The following NTM variants were observed in gnomAD, a reference collection of about 807,000 sequenced individuals.
NTM encodes the protein IgLON family member 2.
Under a neutral mutation model 42.1 loss-of-function variants are expected in NTM, and 13 were observed. The ratio of observed to expected loss-of-function variants is 0.31; its 90% confidence interval spans 0.20 to 0.49. NTM has a LOEUF of 0.49. Ranked by LOEUF, NTM falls within the 20% of genes least tolerant of loss-of-function variation. The pLI is 0.99. For missense variants in NTM, 373 were observed against 452.8 expected (o/e 0.82, Z 1.60); for synonymous variants, 187 against 179.2 (o/e 1.04, Z -0.35).
At chr11:131,401,814 A>ATATATATATATATATATATGTGTG (rs1565465229) in intron 1 of NTM, among the ~76,000 whole-genome samples, 1 of 27,200 alleles carries the variant, frequency 3.7e-5, no homozygotes, top group African/African-American at 2.1e-4. Flanking sequence ...ATATATATAT[A>ATATATATATATATATATATGTGTG]TATATATATA....
chr11:132,081,452 G>A (rs1277399285), intron 2 of NTM, among the ~76,000 whole-genome samples: 2 of 152,180 alleles, frequency 1.3e-5, no homozygotes, highest in Non-Finnish European at 2.9e-5. Context: ...AGAGTGGTTG[G>A]CCAGGCACGG....
intron 1 of NTM, among the ~76,000 whole-genome samples, chr11:131,560,223 T>C (rs1454334974): frequency 6.6e-6 from 1 of 152,226 alleles, no homozygotes; most frequent in Non-Finnish European, 1.5e-5. Context: ...TGCTTGGCTT[T>C]ATCTTTCACG....
chr11:132,232,699 A>G (rs2139061850), intron 4 of NTM, among the ~76,000 whole-genome samples: 1 of 152,316 alleles, frequency 6.6e-6, no homozygotes, highest in Non-Finnish European at 1.5e-5. Context: ...GTAAACATGA[A>G]CACATTACGC....
intron 2 of NTM, among the ~76,000 whole-genome samples, chr11:132,022,997 A>C (rs1362806748): frequency 1.3e-5 from 2 of 151,796 alleles, no homozygotes; most frequent in African/African-American, 4.9e-5. Flanking sequence ...ATTGGAATCA[A>C]GTTTGAGTTC....
intron 1 of NTM, among the ~76,000 whole-genome samples, chr11:131,685,173 C>T (rs1281044216): frequency 6.6e-6 from 1 of 152,256 alleles, no homozygotes; most frequent in East Asian, 1.9e-4. Flanking sequence ...GAGATCCTTG[C>T]AGAAGCCCAG....
chr11:131,459,051 C>G (rs1951147581), intron 1 of NTM, among the ~76,000 whole-genome samples: 1 of 152,224 alleles, frequency 6.6e-6, no homozygotes, highest in East Asian at 1.9e-4. Context: ...AGGCATCTGG[C>G]CAGATTGCAC....
intron 1 of NTM, among the ~76,000 whole-genome samples, chr11:131,494,855 G>A (rs1342241029): frequency 3.9e-5 from 6 of 152,342 alleles, no homozygotes; most frequent in South Asian, 2.1e-4. Flanking sequence ...GCTGTCACCA[G>A]AAGGTGGGTG....
intron 2 of NTM, among the ~76,000 whole-genome samples, chr11:132,014,246 C>T (rs1219836111): frequency 2.0e-5 from 3 of 151,992 alleles, no homozygotes; most frequent in Non-Finnish European, 4.4e-5. Flanking sequence ...AATATTCTAT[C>T]TATTCTATTT....
rs1278852469 is a variant in NTM at position 131,891,224 on chromosome 11, C to T, written c.83-20340C>T. Among the ~76,000 whole-genome samples the T allele has an allele frequency of 2.6e-5, 4 of 152,168 alleles. No individual in the cohort carries two copies. The South Asian group carries it at 8.3e-4, about 32-fold the overall frequency. Reference sequence around the variant, plus strand: ...AGTGTGTTCAATGTGCTATAGGAGACACAAAACATTACAGGCATTCAGAAG... The same window carrying T: ...AGTGTGTTCAATGTGCTATAGGAGATACAAAACATTACAGGCATTCAGAAG... On this transcript the variant is annotated intron_variant, in intron 1 of 8. Coordinates refer to ENST00000683400, the MANE Select transcript of NTM (RefSeq NM_001352005.2).
chr11:132,166,709 A>C (rs1014658990), intron 3 of NTM, among the ~76,000 whole-genome samples: 2 of 152,180 alleles, frequency 1.3e-5, no homozygotes. Context: ...GCTTTTGCTA[A>C]ATTAGCACAT....
intron 1 of NTM, among the ~76,000 whole-genome samples, chr11:131,704,755 A>G (rs1429386082): frequency 6.6e-6 from 1 of 152,214 alleles, no homozygotes; most frequent in Non-Finnish European, 1.5e-5. Context: ...CGCATGAACA[A>G]AATAATAAGT....
chr11:131,873,556 A>G (rs1252558464), intron 1 of NTM, among the ~76,000 whole-genome samples: 3 of 45,116 alleles, frequency 6.6e-5, no homozygotes, highest in Non-Finnish European at 1.2e-4. Flanking sequence ...ATACATATAT[A>G]TATACCGTAT....
rs115414841 is a variant in NTM at position 132,175,088 on chromosome 11, T to C, written c.400+28574T>C. On this transcript the variant is annotated intron_variant, in intron 3 of 8. Coordinates refer to ENST00000683400, the MANE Select transcript of NTM (RefSeq NM_001352005.2). ...ATGTGGGAGGCTGCTGCTTTGCAAATAAAGTGGGTAATAAAAGTGCCCAGC... is the reference window on the plus strand; with the variant it reads ...ATGTGGGAGGCTGCTGCTTTGCAAACAAAGTGGGTAATAAAAGTGCCCAGC... Among the ~76,000 whole-genome samples, 918 of 152,144 alleles carry C rather than the reference T, an allele frequency of 6.0e-3. 8 individuals are homozygous for C. Among genetic ancestry groups the C allele is most frequent in the African/African-American group, 0.021 (882 of 41,494 alleles).
intron 3 of NTM, among the ~76,000 whole-genome samples, chr11:132,148,248 A>T (rs2071019968): frequency 2.6e-5 from 4 of 152,224 alleles, no homozygotes; most frequent in Admixed American, 2.6e-4. Context: ...CAAAGAGTGG[A>T]GTAGGTATTG....
chr11:132,172,477 G>A (rs527272716), intron 3 of NTM, among the ~76,000 whole-genome samples: 1 of 152,262 alleles, frequency 6.6e-6, no homozygotes, highest in East Asian at 1.9e-4. Context: ...CAGGATGTGG[G>A]GGAAATGCAT....
intron 1 of NTM, among the ~76,000 whole-genome samples, chr11:131,750,799 C>T (rs754148401): frequency 1.3e-5 from 2 of 152,272 alleles, no homozygotes; most frequent in Non-Finnish European, 2.9e-5. Context: ...GTTTACCTAG[C>T]GGTGACTTTC....
intron 7 of NTM, among the ~76,000 whole-genome samples, chr11:132,315,984 G>A (rs1024192305): frequency 6.6e-6 from 1 of 151,834 alleles, no homozygotes; most frequent in African/African-American, 2.4e-5. Context: ...CAGAGACCAG[G>A]ATTAGGAAGG....
chr11:132,217,930 C>T (rs2084261741), intron 4 of NTM, among the ~76,000 whole-genome samples: 1 of 152,086 alleles, frequency 6.6e-6, no homozygotes, highest in Admixed American at 6.6e-5. Flanking sequence ...CTGACAAGGC[C>T]TTCTCCTAGC....
At chr11:131,482,238 C>A (rs59104472) in intron 1 of NTM, among the ~76,000 whole-genome samples, 1 of 152,100 alleles carries the variant, frequency 6.6e-6, no homozygotes, top group African/African-American at 2.4e-5. Flanking sequence ...GTTGCCACTC[C>A]CCCAGACAAT....
Sources: gnomAD v4.1 joint callset for allele counts (sites outside exome capture counted in the v4.1 genomes callset) on GRCh38, gnomAD v4.1.1 for gene constraint, MANE v1.5 for transcripts, NCBI Gene and HGNC (gene_info 2026-07-23, HGNC 2026-07-21) for gene names.